Variants in C1QTNF3 observed in about 807,000 individuals in gnomAD.
C1QTNF3 encodes the protein C1q and TNF related 3.
Under a neutral mutation model 32.6 loss-of-function variants are expected in C1QTNF3, and 26 were observed. The ratio of observed to expected loss-of-function variants is 0.80; its 90% CI spans 0.58 to 1.11. C1QTNF3 has a LOEUF of 1.11. Ranked by LOEUF, C1QTNF3 falls within the 50% of genes least tolerant of loss-of-function variation. C1QTNF3 has a pLI of 0.00. For synonymous variants in C1QTNF3, 155 were observed against 146.0 expected (o/e 1.06, Z -0.44); for missense variants, 362 against 398.2 (o/e 0.91, Z 0.77).
the C1QTNF3 span, among the ~76,000 whole-genome samples, chr5:34,162,271 G>C: frequency 6.6e-6 from 1 of 152,116 alleles, no homozygotes; most frequent in Admixed American, 6.6e-5. Flanking sequence ...AGAAGGTCAA[G>C]AGTAGGCAAA....
At chr5:34,033,028 T>C (rs1561058031) in intron 3 of C1QTNF3, 2 of 348,714 alleles carry the variant, frequency 5.7e-6, no homozygotes, top group African/African-American at 2.1e-5. Flanking sequence ...AAATAGGAGA[T>C]AAGTTTATAT....
rs186846266 is a variant in C1QTNF3 at position 34,028,659 on chromosome 5, T to A, written c.700+95A>T. On this transcript the variant is annotated intron_variant, in intron 4 of 5. Coordinates refer to ENST00000382065, the MANE Select transcript of C1QTNF3 (RefSeq NM_181435.6). ...CTTCCTCCTTCTTTCTCTCCCTCCC[T>A]TTCTCCGTCCCTCCCTCTCTTCTTT... The A allele has an allele frequency of 3.8e-4, 415 of 1,102,370 alleles. 6 individuals carry two copies. The East Asian group carries it at 9.7e-3, about 26-fold the overall frequency. 68.3% of individuals were successfully genotyped at this position (1,102,370 alleles called of 1,614,324 possible). A position where few individuals can be genotyped will look rare whatever the true frequency, so the allele number is the denominator to read the frequency against.
At chr5:34,123,404 A>G in the C1QTNF3 span, among the ~76,000 whole-genome samples, 5 of 152,262 alleles carry the variant, frequency 3.3e-5, no homozygotes, top group African/African-American at 7.2e-5. Flanking sequence ...AAATAATATC[A>G]GATTTTCAGC....
the C1QTNF3 span, among the ~76,000 whole-genome samples, chr5:34,201,762 A>C: frequency 6.6e-6 from 1 of 152,208 alleles, no homozygotes; most frequent in Admixed American, 6.5e-5. Flanking sequence ...TTTAATAAGG[A>C]AATAAAAACC....
At chr5:34,155,417 G>T in the C1QTNF3 span, among the ~76,000 whole-genome samples, 1 of 152,310 alleles carries the variant, frequency 6.6e-6, no homozygotes, top group South Asian at 2.1e-4. Flanking sequence ...CAGCTCTGAA[G>T]TGACTAGTAA....
the C1QTNF3 span, chr5:34,167,946 T>G: frequency 1.7e-4 from 26 of 152,148 alleles, no homozygotes; most frequent in African/African-American, 6.0e-4. Context: ...GTGTCTTCAG[T>G]GCATGCCCAG....
the C1QTNF3 span, among the ~76,000 whole-genome samples, chr5:34,203,466 C>T: frequency 6.6e-6 from 1 of 152,060 alleles, no homozygotes; most frequent in Non-Finnish European, 1.5e-5. Flanking sequence ...GGTGGGTGGA[C>T]CACGAGGTCA....
At chr5:34,124,761 T>A in the C1QTNF3 span, among the ~76,000 whole-genome samples, 1 of 152,192 alleles carries the variant, frequency 6.6e-6, no homozygotes, top group African/African-American at 2.4e-5. Flanking sequence ...CAAGGACAAG[T>A]GAGGAAGACT....
the C1QTNF3 span, among the ~76,000 whole-genome samples, chr5:34,176,421 A>G: frequency 9.4e-6 from 1 of 106,882 alleles, no homozygotes; most frequent in African/African-American, 2.7e-5. Flanking sequence ...AAAAAATACA[A>G]AAAAAAAAGC....
At chr5:34,166,142 T>C in the C1QTNF3 span, 7 of 151,882 alleles carry the variant, frequency 4.6e-5, no homozygotes, top group East Asian at 1.3e-3. Flanking sequence ...TAATATTTCA[T>C]TTTCTTATTT....
the C1QTNF3 span, among the ~76,000 whole-genome samples, chr5:34,174,792 T>G: frequency 6.6e-6 from 1 of 151,940 alleles, no homozygotes; most frequent in Non-Finnish European, 1.5e-5. Flanking sequence ...CAGGCTGGAG[T>G]GCGGTGGCAC....
chr5:34,211,941 GC>G, the C1QTNF3 span, among the ~76,000 whole-genome samples: 1 of 152,054 alleles, frequency 6.6e-6, no homozygotes, highest in African/African-American at 2.4e-5. Flanking sequence ...AGCCCGCATC[GC>G]CAAGTCAGTC....
At chr5:34,102,742 A>G in the C1QTNF3 span, among the ~76,000 whole-genome samples, 1 of 152,250 alleles carries the variant, frequency 6.6e-6, no homozygotes, top group Non-Finnish European at 1.5e-5. Context: ...AACTATCGCA[A>G]GGACAAAAAA....
chr5:34,106,147 T>C, the C1QTNF3 span: 2 of 151,952 alleles, frequency 1.3e-5, no homozygotes, highest in African/African-American at 4.8e-5. Flanking sequence ...TTATAGTATA[T>C]CATATTTTTA....
At chr5:34,035,264 A>G (rs1561059106) in intron 2 of C1QTNF3, among the ~76,000 whole-genome samples, 1 of 152,226 alleles carries the variant, frequency 6.6e-6, no homozygotes, top group Admixed American at 6.5e-5. Context: ...ATGAGAGTCA[A>G]CTGAGAGACG....
At chr5:34,194,857 C>G in the C1QTNF3 span, among the ~76,000 whole-genome samples, 1 of 149,750 alleles carries the variant, frequency 6.7e-6, no homozygotes, top group African/African-American at 2.5e-5. Context: ...CATATCAACT[C>G]TAGATCACTC....
Position 34,043,036 on chromosome 5 carries a change from G to T in C1QTNF3, c.90C>A (p.Ser30Arg). The change falls in exon 1 of 6, where the codon AGC becomes AGA. Residue 30 changes from serine (S) to arginine (R), a missense_variant. Transcript: ENST00000382065. ...TTGCCACCACTTTATTAGTTCTTCC[G>T]CTCACCTCCATGTATTCATCTTGAC... is the stretch of plus-strand genomic sequence containing the variant. ...CLCQDEYMEV[S>R]GRTNKVVARI... 1 of 1,614,052 alleles carries T rather than the reference G, an allele frequency of 6.2e-7. No individual in the cohort carries two copies. The highest frequency in any genetic ancestry group is 8.5e-7 in the Non-Finnish European group (1 of 1,180,016).
the C1QTNF3 span, chr5:34,220,020 G>A: frequency 6.6e-6 from 1 of 152,054 alleles, no homozygotes; most frequent in Non-Finnish European, 1.5e-5. Context: ...TAAAAGACTG[G>A]TCAGTACTTG....
chr5:34,047,426 T>C (rs544734536), upstream of C1QTNF3, among the ~76,000 whole-genome samples: 1 of 152,284 alleles, frequency 6.6e-6, no homozygotes, highest in South Asian at 2.1e-4. Context: ...GCCTCCCCCA[T>C]GGTGCTTCAC....
Sources: gnomAD v4.1 joint callset for allele counts (sites outside exome capture counted in the v4.1 genomes callset) on GRCh38, gnomAD v4.1.1 for gene constraint, MANE v1.5 for transcripts, NCBI Gene and HGNC (gene_info 2026-07-23, HGNC 2026-07-21) for gene names.